The following DST variants were observed in gnomAD, a reference collection of about 807,000 sequenced individuals.
DST encodes dystonin.
In DST, 253 loss-of-function variants were observed where a neutral mutation model predicts 875.2. The observed-to-expected ratio is 0.29, with a 90% CI of 0.26 to 0.32. The LOEUF (loss-of-function observed/expected upper bound fraction) is 0.32. Ranked by LOEUF, DST falls within the 10% of genes least tolerant of loss-of-function variation. The probability of loss-of-function intolerance (pLI) is 1.00; values close to 1 mark genes in which losing one functional copy is unlikely to be tolerated. For missense variants in DST, 8,287 were observed against 9,111.6 expected (o/e 0.91, Z 3.68); for synonymous variants, 3,124 against 3,197.1 (o/e 0.98, Z 0.77).
At chr6:56,841,089 C>G (rs748232313) in intron 4 of DST, among the ~76,000 whole-genome samples, 1 of 152,150 alleles carries the variant, frequency 6.6e-6, no homozygotes, top group Non-Finnish European at 1.5e-5. Flanking sequence ...ACTGACACTC[C>G]CTATTCAAAG....
intron 4 of DST, among the ~76,000 whole-genome samples, chr6:56,778,911 A>G (rs912965081): frequency 5.3e-5 from 8 of 152,102 alleles, no homozygotes; most frequent in Admixed American, 2.0e-4. Context: ...TAATGGGATG[A>G]CTGGGTCAAA....
intron 77 of DST, among the ~76,000 whole-genome samples, chr6:56,504,607 A>G (rs76517693): frequency 0.019 from 2,844 of 152,314 alleles, 36 homozygotes; most frequent in Non-Finnish European, 0.028. Flanking sequence ...ATTCTGAATT[A>G]TAACAGGTTT....
chr6:56,465,942 C>A, intron 99 of DST, 136 bp downstream of exon 99: 2 of 514,162 alleles, frequency 3.9e-6, no homozygotes, highest in East Asian at 3.5e-5. Context: ...TCTTTGGGAA[C>A]TTTAGGCTGA....
At chr6:56,781,744 A>T (rs1328201056) in intron 4 of DST, among the ~76,000 whole-genome samples, 1 of 152,174 alleles carries the variant, frequency 6.6e-6, no homozygotes, top group Admixed American at 6.5e-5. Flanking sequence ...CCCTGGCCAG[A>T]ACTTTCAACA....
chr6:56,499,784 G>A (rs1410292061), intron 80 of DST, among the ~76,000 whole-genome samples: 1 of 152,094 alleles, frequency 6.6e-6, no homozygotes, highest in Non-Finnish European at 1.5e-5. Flanking sequence ...CTATCCTGAT[G>A]TATGTTACCT....
chr6:56,695,666 A>G (rs188658568), intron 9 of DST, among the ~76,000 whole-genome samples: 2 of 152,346 alleles, frequency 1.3e-5, no homozygotes, highest in Admixed American at 1.3e-4. Context: ...ACACTCTCCC[A>G]ATAAACAGAA....
chr6:56,692,562 G>A (rs538957302), intron 9 of DST: 13 of 1,289,468 alleles, frequency 1.0e-5, no homozygotes, highest in South Asian at 3.7e-5. Context: ...CACTTTTTTC[G>A]AGTGATCTTT....
intron 3 of DST, among the ~76,000 whole-genome samples, chr6:56,893,591 T>TA (rs1291549849): frequency 2.8e-5 from 2 of 71,732 alleles, no homozygotes; most frequent in Non-Finnish European, 5.2e-5. Context: ...TTTTTTTATT[T>TA]TTTTTTATTT....
chr6:56,611,908 T>C (rs1292125922), intron 37 of DST, among the ~76,000 whole-genome samples: 1 of 152,218 alleles, frequency 6.6e-6, no homozygotes, highest in East Asian at 1.9e-4. Context: ...AGGTGGGCAC[T>C]CAGCACTGGC....
Position 56,553,222 on chromosome 6 carries a change from C to T in DST, c.15570G>A (p.Glu5190=), listed in dbSNP as rs200941177. 1,071 of 1,613,886 alleles carry T rather than the reference C, an allele frequency of 6.6e-4. 13 individuals carry two copies. In the Middle Eastern group the frequency reaches 0.026, roughly 39 times the overall value. The change falls in exon 61 of 104, where the codon GAG becomes GAA. Residue 5190 remains glutamate, a synonymous_variant. Transcript: ENST00000680361. ...PWIDKCQNNL[E]EIKFCLDPAE... Reference sequence around the variant, plus strand: ...CAGGATCCAAGCAAAATTTTATTTCCTCCAGGTTGTTTTGGCATTTGTCTA... The same window carrying T: ...CAGGATCCAAGCAAAATTTTATTTCTTCCAGGTTGTTTTGGCATTTGTCTA...
chr6:56,497,329 T>C lies in DST; in HGVS notation c.20223+50A>G, dbSNP rs2095951594. On this transcript the variant is annotated intron_variant, in intron 82 of 103. Coordinates refer to ENST00000680361, the MANE Select transcript of DST (RefSeq NM_001374736.1). ...ATGTATCGCCAGGGCCCATATAACA[T>C]GGTCAGTTTGTTATTCTGAGGCTAA... is the stretch of plus-strand genomic sequence containing the variant. 1.9e-6 allele frequency: 3 copies of C among 1,591,722 alleles called. No individual in the cohort carries two copies. In the East Asian group the frequency reaches 6.7e-5, roughly 36 times the overall value.
chr6:56,721,368 T>C (rs1377041956), intron 5 of DST, among the ~76,000 whole-genome samples: 3 of 152,242 alleles, frequency 2.0e-5, no homozygotes, highest in Non-Finnish European at 1.5e-5. Flanking sequence ...GATTAAGAGA[T>C]TAAAGTAAAG....
intron 4 of DST, among the ~76,000 whole-genome samples, chr6:56,792,794 A>G (rs1187970397): frequency 1.3e-5 from 2 of 152,196 alleles, no homozygotes; most frequent in Admixed American, 6.5e-5. Context: ...TTGGCTGGGC[A>G]TGGTAGCTCA....
chr6:56,871,596 AT>A, intron 3 of DST: 1 of 808,022 alleles, frequency 1.2e-6, no homozygotes, highest in East Asian at 2.4e-5. Flanking sequence ...TCATGGTTGG[AT>A]TAACCCATAC....
chr6:56,656,138 C>T (rs968923267), intron 10 of DST, among the ~76,000 whole-genome samples: 1 of 152,232 alleles, frequency 6.6e-6, no homozygotes. Context: ...CTATGGCTTC[C>T]AGCCAAGTTT....
chr6:56,471,495 G>C (rs950776284), intron 94 of DST, among the ~76,000 whole-genome samples: 1 of 152,104 alleles, frequency 6.6e-6, no homozygotes, highest in Non-Finnish European at 1.5e-5. Context: ...AACTTAAGCT[G>C]TAAATTTCTG....
At position 56,526,378 on chromosome 6, in the gene DST, T is replaced by G. The variant is rs1250573953; in HGVS notation, c.18112A>C (p.Ile6038Leu). Residue 6038 changes from isoleucine to leucine, a missense_variant, in exon 69 of 104, where the codon ATT (isoleucine) becomes CTT (leucine). Transcript: ENST00000680361. Reference sequence around the variant, plus strand: ...TTCCCTACCTGCTGTGATCGCAGAATGGCTGCATCGATCTCCTCCACCTTC... The same window carrying G: ...TTCCCTACCTGCTGTGATCGCAGAAGGGCTGCATCGATCTCCTCCACCTTC... ...TQKVEEIDAA[I>L]LRSQQFDQAA... 1 of 1,613,816 alleles carries G rather than the reference T, an allele frequency of 6.2e-7. No homozygotes were observed. The highest frequency in any genetic ancestry group is 1.7e-5 in the Admixed American group (1 of 59,956).
intron 4 of DST, among the ~76,000 whole-genome samples, chr6:56,830,954 A>C (rs2099786246): frequency 6.6e-6 from 1 of 152,234 alleles, no homozygotes; most frequent in Non-Finnish European, 1.5e-5. Flanking sequence ...TCAGAAGACC[A>C]GAATTCTAGC....
chr6:56,690,284 G>A (rs2099219346), intron 9 of DST, among the ~76,000 whole-genome samples: 1 of 152,062 alleles, frequency 6.6e-6, no homozygotes, highest in Non-Finnish European at 1.5e-5. Flanking sequence ...ATCAAATGAC[G>A]CGATGTGTCT....
Sources: gnomAD v4.1 joint callset for allele counts (sites outside exome capture counted in the v4.1 genomes callset) on GRCh38, gnomAD v4.1.1 for gene constraint, MANE v1.5 for transcripts, NCBI Gene and HGNC (gene_info 2026-07-23, HGNC 2026-07-21) for gene names.